EXOC4: variants seen among roughly 807,000 people sequenced by gnomAD.
EXOC4 encodes the protein SEC8-like 1.
A neutral mutation model predicts 107.2 loss-of-function variants in EXOC4; 71 were observed. That is an observed-to-expected ratio of 0.66 (90% confidence interval 0.55 to 0.81). The LOEUF (loss-of-function observed/expected upper bound fraction) is 0.81. EXOC4 is among the 30% of genes least tolerant of loss of function. The pLI, the probability that EXOC4 is intolerant of heterozygous loss-of-function variation, is 0.00. For synonymous variants in EXOC4, 456 were observed against 441.2 expected, an observed-to-expected ratio of 1.03 and a Z score of -0.42; for missense variants, 1,108 against 1,189.6, an observed-to-expected ratio of 0.93 and a Z score of 1.01.
chr7:133,531,526 A>G (rs1800181270), intron 9 of EXOC4, among the ~76,000 whole-genome samples: 1 of 152,166 alleles, frequency 6.6e-6, no homozygotes, highest in Non-Finnish European at 1.5e-5. Flanking sequence ...TAAAACCAAG[A>G]AAGACTTGTC....
intron 7 of EXOC4, among the ~76,000 whole-genome samples, chr7:133,458,151 C>T (rs1049342802): frequency 6.6e-6 from 1 of 152,144 alleles, no homozygotes; most frequent in African/African-American, 2.4e-5. Context: ...TAGACCACTA[C>T]GCAGCTATTC....
intron 11 of EXOC4, among the ~76,000 whole-genome samples, chr7:133,884,579 C>CTGTGTGTG (rs1491332445): frequency 8.8e-6 from 1 of 113,296 alleles, no homozygotes; most frequent in African/African-American, 4.1e-5. Flanking sequence ...TTGCCCTATG[C>CTGTGTGTG]TCTGTGTGTG....
At chr7:133,537,296 A>ACC (rs373040586) in intron 9 of EXOC4, among the ~76,000 whole-genome samples, 2,544 of 127,780 alleles carry the variant, frequency 0.02, 84 homozygotes, top group African/African-American at 0.048. Context: ...GATTACAGGC[A>ACC]CCCCCCCCCC....
chr7:134,056,082 T>G lies in EXOC4; in HGVS notation c.2688-8209T>G, dbSNP rs1180657459. Among the ~76,000 whole-genome samples, 6 of 152,302 alleles carry G rather than the reference T, an allele frequency of 3.9e-5. No individual in the cohort carries two copies. The East Asian group carries it at 1.2e-3, about 29-fold the overall frequency. On this transcript the variant is annotated intron_variant, in intron 17 of 17. Coordinates refer to ENST00000253861, the MANE Select transcript of EXOC4 (RefSeq NM_021807.4). Reference sequence around the variant, plus strand: ...TCTGAAAAATATAGATAATATACACTACAAGAGTCTTGTGCTAATTGGGTT... The same window carrying G: ...TCTGAAAAATATAGATAATATACACGACAAGAGTCTTGTGCTAATTGGGTT...
rs1798410146 is a variant in EXOC4, at chr7:133,857,193, TATATA to T, written c.1735-38405_1735-38401del. 2.9e-4 allele frequency among the ~76,000 whole-genome samples: 14 copies of T among 48,540 alleles called. 1 individual carries two copies. The highest frequency in any genetic ancestry group is 5.9e-4 in the Admixed American group (2 of 3,412). The allele number at this position is 48,540 out of a possible 152,430, so 31.8% of individuals were successfully genotyped here. ...ATATATATATATATATATATATATA[TATATA>T]TATTTTACCTCTACTTAACCTCCCT... On this transcript the variant is annotated intron_variant, in intron 11 of 17. Coordinates refer to ENST00000253861, the MANE Select transcript of EXOC4 (RefSeq NM_021807.4).
At chr7:133,443,037 G>A (rs888107006) in intron 7 of EXOC4, among the ~76,000 whole-genome samples, 2 of 152,186 alleles carry the variant, frequency 1.3e-5, no homozygotes, top group African/African-American at 4.8e-5. Flanking sequence ...GGACTTGGGT[G>A]TTTGTGAAGT....
intron 5 of EXOC4, among the ~76,000 whole-genome samples, chr7:133,326,534 A>G (rs1299776532): frequency 1.3e-5 from 2 of 152,158 alleles, no homozygotes; most frequent in Non-Finnish European, 2.9e-5. Context: ...ATATTGCTGA[A>G]CAGCAAATGT....
intron 12 of EXOC4, among the ~76,000 whole-genome samples, chr7:133,915,275 A>G (rs113871382): frequency 3.3e-5 from 5 of 152,240 alleles, no homozygotes; most frequent in African/African-American, 1.2e-4. Flanking sequence ...CATTTTTAAA[A>G]TAACAGAGGA....
At chr7:133,553,594 C>G (rs748198472) in intron 9 of EXOC4, among the ~76,000 whole-genome samples, 9 of 152,148 alleles carry the variant, frequency 5.9e-5, no homozygotes, top group Non-Finnish European at 1.0e-4. Context: ...TGTTTCTACT[C>G]AACAAAATCT....
At chr7:133,840,019 G>T (rs1797993270) in intron 11 of EXOC4, among the ~76,000 whole-genome samples, 1 of 152,204 alleles carries the variant, frequency 6.6e-6, no homozygotes, top group Non-Finnish European at 1.5e-5. Flanking sequence ...GAGTTCAGGA[G>T]ACAGTGGTCA....
chr7:134,080,823 G>A, the EXOC4 span, among the ~76,000 whole-genome samples: 2 of 152,108 alleles, frequency 1.3e-5, no homozygotes, highest in African/African-American at 4.8e-5. Flanking sequence ...GTACCCACCT[G>A]TAGTCTCAGC....
At chr7:133,466,914 CATTG>C (rs1304939513) in intron 7 of EXOC4, among the ~76,000 whole-genome samples, 2 of 152,090 alleles carry the variant, frequency 1.3e-5, no homozygotes, top group African/African-American at 4.8e-5. Context: ...ACTTGACCTC[CATTG>C]ATTATTTATC....
intron 17 of EXOC4, among the ~76,000 whole-genome samples, chr7:134,032,911 T>C (rs1795300257): frequency 6.6e-6 from 1 of 152,226 alleles, no homozygotes; most frequent in African/African-American, 2.4e-5. Context: ...TTAGCTATAA[T>C]ATTTTTAACA....
At chr7:133,764,205 T>C (rs7810078) in intron 10 of EXOC4, among the ~76,000 whole-genome samples, 131,005 of 151,972 alleles carry the variant, frequency 0.86, 57,007 homozygotes, top group East Asian at 0.99. Flanking sequence ...GCAGCCCACA[T>C]TCCCGTCATT....
chr7:133,555,018 C>G (rs1175611822), intron 9 of EXOC4, among the ~76,000 whole-genome samples: 3 of 152,108 alleles, frequency 2.0e-5, no homozygotes, highest in East Asian at 1.9e-4. Flanking sequence ...AAAATTGAAT[C>G]TAGCCTGTGG....
intron 9 of EXOC4, among the ~76,000 whole-genome samples, chr7:133,545,684 T>A (rs143740966): frequency 9.2e-5 from 14 of 152,328 alleles, no homozygotes; most frequent in African/African-American, 3.4e-4. Context: ...GCAATCTAGT[T>A]TGACTACTGT....
chr7:133,274,921 C>T (rs1793952935), intron 1 of EXOC4, 61 bp from the exon 2 acceptor site: 1 of 1,326,548 alleles, frequency 7.5e-7, no homozygotes, highest in Non-Finnish European at 1.0e-6. Context: ...TCTGCTTCAC[C>T]TTTCTTTTGC....
intron 17 of EXOC4, among the ~76,000 whole-genome samples, chr7:134,030,676 C>CT (rs1795248882): frequency 1.5e-5 from 2 of 136,934 alleles, no homozygotes; most frequent in Non-Finnish European, 3.2e-5. Context: ...CACCCCCCCT[C>CT]TGCCCCCCCA....
At chr7:133,636,165 T>G (rs566165709) in intron 10 of EXOC4, among the ~76,000 whole-genome samples, 19 of 152,302 alleles carry the variant, frequency 1.2e-4, no homozygotes, top group African/African-American at 4.6e-4. Flanking sequence ...AAACATTCAT[T>G]AAGTGTTTGA....
Sources: allele counts gnomAD v4.1 joint callset (sites outside exome capture counted in the v4.1 genomes callset), GRCh38; gene constraint gnomAD v4.1.1; transcripts MANE v1.5; gene names NCBI Gene and HGNC (gene_info 2026-07-23, HGNC 2026-07-21).